Variants in PCSK5 observed in about 807,000 individuals in gnomAD.
The protein encoded by PCSK5 is proprotein convertase subtilisin/kexin type 5.
Under a neutral mutation model 233.2 loss-of-function variants are expected in PCSK5, and 129 were observed. The observed-to-expected ratio is 0.55, with a 90% CI of 0.48 to 0.64. The LOEUF (loss-of-function observed/expected upper bound fraction) is 0.64, where lower values mean the gene tolerates loss of function less well. PCSK5 is among the 30% of genes least tolerant of loss of function. The pLI is 0.00. For synonymous variants in PCSK5, 825 were observed against 879.2 expected (o/e 0.94, Z 1.09); for missense variants, 2,076 against 2,430.1 (o/e 0.85, Z 3.06).
chr9:76,011,385 T>G (rs1203152131), intron 3 of PCSK5, among the ~76,000 whole-genome samples: 3 of 152,232 alleles, frequency 2.0e-5, no homozygotes, highest in African/African-American at 4.8e-5. Context: ...CAAGCAACTT[T>G]GTAGATTTTA....
chr9:76,180,545 C>T lies in PCSK5; in HGVS notation c.2003+847C>T, dbSNP rs4354379. On this transcript the variant is annotated intron_variant, in intron 15 of 37. Transcript: ENST00000674117. Reference sequence around the variant, plus strand: ...GAGCTGTGCAGATATGTTTCCTGGGCAGAGCCAAGGAATGGTGACTGCCCC... The same window carrying T: ...GAGCTGTGCAGATATGTTTCCTGGGTAGAGCCAAGGAATGGTGACTGCCCC... Among the ~76,000 whole-genome samples the T allele has an allele frequency of 4.2e-3, 639 of 152,188 alleles. 7 individuals carry two copies. Among genetic ancestry groups the T allele is most frequent in the African/African-American group, 0.014 (576 of 41,522 alleles).
At chr9:75,986,995 C>T (rs988065366) in intron 3 of PCSK5, among the ~76,000 whole-genome samples, 5 of 152,068 alleles carry the variant, frequency 3.3e-5, no homozygotes, top group African/African-American at 1.2e-4. Context: ...TGTAAATCAC[C>T]CTTTACTTTC....
intron 1 of PCSK5, among the ~76,000 whole-genome samples, chr9:75,909,649 C>T (rs1404215722): frequency 4.6e-5 from 7 of 152,168 alleles, no homozygotes; most frequent in Non-Finnish European, 5.9e-5. Flanking sequence ...GAGCTGAGAT[C>T]GTGCCATTGC....
At chr9:76,156,089 T>A (rs1822564143) in intron 10 of PCSK5, among the ~76,000 whole-genome samples, 1 of 152,240 alleles carries the variant, frequency 6.6e-6, no homozygotes. Context: ...AAGTCATTCA[T>A]GTGATGATAA....
intron 1 of PCSK5, among the ~76,000 whole-genome samples, chr9:75,902,873 C>T (rs1826101263): frequency 6.6e-6 from 1 of 152,168 alleles, no homozygotes; most frequent in South Asian, 2.1e-4. Flanking sequence ...TGATTGCTTT[C>T]AACTCCCATA....
intron 7 of PCSK5, among the ~76,000 whole-genome samples, chr9:76,073,893 A>G (rs991526912): frequency 2.0e-5 from 3 of 152,192 alleles, no homozygotes; most frequent in African/African-American, 7.2e-5. Context: ...AAAATTAAAA[A>G]TATGGTACTT....
chr9:76,350,345 C>T (rs1830088257), intron 35 of PCSK5, among the ~76,000 whole-genome samples: 1 of 152,092 alleles, frequency 6.6e-6, no homozygotes, highest in African/African-American at 2.4e-5. Context: ...ATCACCACCC[C>T]AAAATTAAGA....
At chr9:76,247,855 G>T (rs957810817) in intron 24 of PCSK5, among the ~76,000 whole-genome samples, 2 of 151,834 alleles carry the variant, frequency 1.3e-5, no homozygotes, top group African/African-American at 4.8e-5. Flanking sequence ...CGTGATCTTG[G>T]CTCACTGCAA....
intron 24 of PCSK5, among the ~76,000 whole-genome samples, chr9:76,244,568 T>TG (rs947165859): frequency 1.3e-5 from 2 of 151,550 alleles, no homozygotes; most frequent in African/African-American, 4.8e-5. Context: ...CTGGGGTTTT[T>TG]TTTTTTTTTT....
intron 5 of PCSK5, among the ~76,000 whole-genome samples, chr9:76,030,724 A>G (rs1000404211): frequency 2.0e-5 from 3 of 152,184 alleles, no homozygotes; most frequent in African/African-American, 7.2e-5. Flanking sequence ...CAATTCTTTG[A>G]ATATTGGCTT....
chr9:75,984,768 T>C (rs537817299), intron 2 of PCSK5, among the ~76,000 whole-genome samples: 1 of 152,334 alleles, frequency 6.6e-6, no homozygotes, highest in Admixed American at 6.5e-5. Context: ...CACTTGTTTG[T>C]TGAATGAATA....
intron 3 of PCSK5, among the ~76,000 whole-genome samples, chr9:75,996,911 T>G (rs1395965420): frequency 6.6e-6 from 1 of 151,496 alleles, no homozygotes; most frequent in Non-Finnish European, 1.5e-5. Flanking sequence ...ACCCTTGACC[T>G]ATCTTAATCT....
chr9:76,172,534 G>A lies in PCSK5; in HGVS notation c.1757-2452G>A, dbSNP rs548326715. On this transcript the variant is annotated intron_variant, in intron 13 of 37. Transcript: ENST00000674117. ...GATGTCCTTCAGAAATGGCACAAAG[G>A]GAAATAATCAATTTTGAGACAGCAC... is the stretch of plus-strand genomic sequence containing the variant. Among the ~76,000 whole-genome samples, 50 of 152,174 alleles carry A rather than the reference G, an allele frequency of 3.3e-4. 1 individual carries two copies. In the South Asian group the frequency reaches 0.01, roughly 31 times the overall value.
At chr9:75,954,026 G>A (rs1436968775) in intron 2 of PCSK5, among the ~76,000 whole-genome samples, 6 of 152,164 alleles carry the variant, frequency 3.9e-5, no homozygotes, top group Admixed American at 3.3e-4. Flanking sequence ...ACTGGAAGGT[G>A]TTAAGCTGAT....
Position 76,184,655 on chromosome 9 carries a change from TTC to T in PCSK5, c.2198-14_2198-13del, listed in dbSNP as rs747766469. 3 of 1,562,274 alleles carry T rather than the reference TTC, an allele frequency of 1.9e-6. No homozygotes were observed. Among genetic ancestry groups the T allele is most frequent in the South Asian group, 2.2e-5 (2 of 89,162 alleles). On this transcript the variant is annotated splice_polypyrimidine_tract_variant and intron_variant, in intron 16 of 37. Transcript: ENST00000674117. ...CCAATTGACCAACTGATTTACAACTTTCTCTTTTTTTTAACAGAGAAAAATCT... is the reference window on the plus strand; with the variant it reads ...CCAATTGACCAACTGATTTACAACTTTCTTTTTTTTAACAGAGAAAAATCT...
chr9:76,151,008 T>TAAAA (rs10624054), intron 10 of PCSK5, among the ~76,000 whole-genome samples: 3 of 142,352 alleles, frequency 2.1e-5, no homozygotes, highest in Admixed American at 7.0e-5. Context: ...CTTTTTACAT[T>TAAAA]AAAAAAAAAA....
At chr9:76,014,570 A>G (rs1379618120) in intron 3 of PCSK5, among the ~76,000 whole-genome samples, 2 of 152,208 alleles carry the variant, frequency 1.3e-5, no homozygotes, top group Admixed American at 1.3e-4. Context: ...TGCTTCTGTC[A>G]TGCCTTGTGT....
Position 75,891,081 on chromosome 9 carries a change from G to GGGGCTGCGAGCTGCGGCGGCCCA in PCSK5, c.-94_-93insGAGCTGCGGCGGCCCAGGGCTGC. 8.7e-7 allele frequency: 1 copy of GGGGCTGCGAGCTGCGGCGGCCCA among 1,145,042 alleles called. No homozygotes were observed. The highest frequency in any genetic ancestry group is 1.1e-6 in the Non-Finnish European group (1 of 877,460). The allele number at this position is 1,145,042 out of a possible 1,614,324, so 70.9% of individuals were successfully genotyped here. A position where few individuals can be genotyped will look rare whatever the true frequency, so the allele number is the denominator to read the frequency against. ...CCGGGGCTGCGAGCTGCGGCGGCCC[G>GGGGCTGCGAGCTGCGGCGGCCCA]GGGCTGCTCGCCGGGCGGCGCAGGC... On this transcript the variant is annotated 5_prime_UTR_variant, in exon 1 of 38. Coordinates refer to ENST00000674117, the MANE Select transcript of PCSK5 (RefSeq NM_001372043.1).
intron 22 of PCSK5, among the ~76,000 whole-genome samples, chr9:76,235,391 G>A (rs578156225): frequency 5.3e-5 from 8 of 152,204 alleles, no homozygotes; most frequent in Admixed American, 5.2e-4. Flanking sequence ...AAATTAGAAA[G>A]AAGTTTAGAT....
Sources: allele counts gnomAD v4.1 joint callset (sites outside exome capture counted in the v4.1 genomes callset), GRCh38; gene constraint gnomAD v4.1.1; transcripts MANE v1.5; gene names NCBI Gene and HGNC (gene_info 2026-07-23, HGNC 2026-07-21).